PHF20: variants seen among roughly 807,000 people sequenced by gnomAD.
PHF20 encodes the protein PHD finger protein 20, also known as glioma-expressed antigen 2.
PHF20 carries 23 observed loss-of-function variants against 113.5 expected under a neutral mutation model. That is an observed-to-expected ratio of 0.20 (90% confidence interval 0.15 to 0.29). PHF20 has a LOEUF of 0.29. Ranked by LOEUF, PHF20 falls within the 10% of genes least tolerant of loss-of-function variation. The pLI is 1.00. For missense variants in PHF20, 943 were observed against 1,219.6 expected (o/e 0.77, Z 3.38); for synonymous variants, 434 against 457.3 (o/e 0.95, Z 0.65).
At chr20:35,837,333 G>C (rs1050998776) in intron 2 of PHF20, among the ~76,000 whole-genome samples, 1 of 152,090 alleles carries the variant, frequency 6.6e-6, no homozygotes, top group African/African-American at 2.4e-5. Flanking sequence ...CCTCCTAAGA[G>C]CTAATTTTTG....
At chr20:35,929,443 A>G (rs2055708203) in intron 14 of PHF20, among the ~76,000 whole-genome samples, 1 of 152,266 alleles carries the variant, frequency 6.6e-6, no homozygotes, top group African/African-American at 2.4e-5. Context: ...CAGAAGGGAC[A>G]TGACTGGCCC....
At chr20:35,912,950 T>C (rs2055334658) in intron 10 of PHF20, among the ~76,000 whole-genome samples, 1 of 152,302 alleles carries the variant, frequency 6.6e-6, no homozygotes, top group South Asian at 2.1e-4. Context: ...AACCTTGGGG[T>C]TGAAAGGTCT....
At chr20:35,930,045 A>G (rs955082205) in intron 14 of PHF20, among the ~76,000 whole-genome samples, 2 of 152,232 alleles carry the variant, frequency 1.3e-5, no homozygotes, top group African/African-American at 2.4e-5. Context: ...CATGTTGATA[A>G]GTCACATGTG....
chr20:35,851,567 C>T (rs928807870), intron 4 of PHF20, among the ~76,000 whole-genome samples: 4 of 152,022 alleles, frequency 2.6e-5, no homozygotes, highest in Admixed American at 2.6e-4. Context: ...AGGGATTGTG[C>T]TTCCCCCCCA....
At chr20:35,813,933 GAA>G (rs57769210) in intron 2 of PHF20, among the ~76,000 whole-genome samples, 1,302 of 24,912 alleles carry the variant, frequency 0.052, 6 homozygotes, top group African/African-American at 0.14. Flanking sequence ...CTCCGTCTCA[GAA>G]AAAAAAAAAA....
intron 13 of PHF20, among the ~76,000 whole-genome samples, chr20:35,919,038 G>T (rs981237535): frequency 6.6e-6 from 1 of 151,930 alleles, no homozygotes; most frequent in East Asian, 1.9e-4. Context: ...TTTTTGAGAC[G>T]GAGTTTTGCA....
chr20:35,822,440 AAAAGT>A (rs780982972), intron 2 of PHF20, among the ~76,000 whole-genome samples: 40 of 151,972 alleles, frequency 2.6e-4, no homozygotes, highest in Admixed American at 5.9e-4. Flanking sequence ...AAAAAAGAAA[AAAAGT>A]AAAGGAATTT....
intron 7 of PHF20, 48 bp downstream of exon 7, chr20:35,869,599 G>C (rs1167450040): frequency 3.1e-6 from 3 of 981,982 alleles, no homozygotes; most frequent in South Asian, 1.3e-5. Context: ...ACGTTGTTTG[G>C]GTCAACTTCC....
At chr20:35,815,463 T>C (rs780375990) in intron 2 of PHF20, among the ~76,000 whole-genome samples, 9 of 151,832 alleles carry the variant, frequency 5.9e-5, no homozygotes, top group Admixed American at 3.9e-4. Flanking sequence ...CCTGTAATTC[T>C]TTTATTCTTT....
intron 2 of PHF20, among the ~76,000 whole-genome samples, chr20:35,826,205 G>A (rs540590064): frequency 2.0e-5 from 3 of 152,168 alleles, no homozygotes; most frequent in South Asian, 2.1e-4. Flanking sequence ...CACCACACTC[G>A]ACTAATTTTT....
chr20:35,875,534 A>T (rs1600859858), intron 9 of PHF20, among the ~76,000 whole-genome samples: 1 of 151,774 alleles, frequency 6.6e-6, no homozygotes, highest in South Asian at 2.1e-4. Flanking sequence ...GGGGCAAGGG[A>T]TCTTCCTTTT....
chr20:35,870,664 G>C (rs1198798126), intron 7 of PHF20, among the ~76,000 whole-genome samples: 2 of 136,698 alleles, frequency 1.5e-5, no homozygotes, highest in Non-Finnish European at 3.3e-5. Context: ...TTGCAAGTTA[G>C]TACATTTGGG....
chr20:35,790,257 A>G (rs897682427), intron 1 of PHF20, among the ~76,000 whole-genome samples: 1 of 150,568 alleles, frequency 6.6e-6, no homozygotes, highest in Non-Finnish European at 1.5e-5. Context: ...CTGGAGTGCA[A>G]TGGTGTGATC....
intron 10 of PHF20, among the ~76,000 whole-genome samples, chr20:35,909,454 C>G (rs1333211292): frequency 1.3e-5 from 2 of 151,922 alleles, no homozygotes; most frequent in African/African-American, 4.8e-5. Flanking sequence ...GGTAGTCAAA[C>G]TGTGTAAAAA....
At chr20:35,831,336 T>A (rs928042304) in intron 2 of PHF20, among the ~76,000 whole-genome samples, 40 of 152,000 alleles carry the variant, frequency 2.6e-4, no homozygotes, top group African/African-American at 7.7e-4. Context: ...ATTAAAAAAA[T>A]TTTTTTTTGT....
intron 14 of PHF20, among the ~76,000 whole-genome samples, chr20:35,931,016 C>T (rs898183659): frequency 1.3e-5 from 2 of 152,036 alleles, no homozygotes; most frequent in Non-Finnish European, 2.9e-5. Flanking sequence ...CACCTCTGGC[C>T]AGTTCCAGGA....
chr20:35,794,924 G>C (rs2041636709), intron 1 of PHF20, among the ~76,000 whole-genome samples: 1 of 152,050 alleles, frequency 6.6e-6, no homozygotes, highest in East Asian at 1.9e-4. Flanking sequence ...GGGCGTGGTG[G>C]CTCACACCTG....
chr20:35,906,844 G>T (rs2055209442), intron 10 of PHF20, among the ~76,000 whole-genome samples: 1 of 152,156 alleles, frequency 6.6e-6, no homozygotes, highest in Admixed American at 6.5e-5. Flanking sequence ...TACCACATGA[G>T]CTAAGAAGAA....
intron 9 of PHF20, chr20:35,878,702 A>G: frequency 2.6e-6 from 2 of 772,604 alleles, no homozygotes; most frequent in South Asian, 2.7e-5. Flanking sequence ...TATATCATGT[A>G]TCGAGAATTC....
Sources: allele counts gnomAD v4.1 joint callset (sites outside exome capture counted in the v4.1 genomes callset), GRCh38; gene constraint gnomAD v4.1.1; transcripts MANE v1.5; gene names NCBI Gene and HGNC (gene_info 2026-07-23, HGNC 2026-07-21).